ITLN2: variants seen among roughly 807,000 people sequenced by gnomAD.
ITLN2 encodes intelectin-2.
Under a neutral mutation model 39.4 loss-of-function variants are expected in ITLN2, and 29 were observed. The ratio of observed to expected loss-of-function variants is 0.74; its 90% CI spans 0.55 to 1.00. The LOEUF (loss-of-function observed/expected upper bound fraction) is 1.00. Ranked by LOEUF, ITLN2 falls within the 50% of genes least tolerant of loss-of-function variation. The probability of loss-of-function intolerance (pLI) is 0.00; values close to 1 mark genes in which losing one functional copy is unlikely to be tolerated. For missense variants in ITLN2, 412 were observed against 416.7 expected, an observed-to-expected ratio of 0.99 and a Z score of 0.10; for synonymous variants, 156 against 153.4, an observed-to-expected ratio of 1.02 and a Z score of -0.12.
Position 160,954,408 on chromosome 1 carries a change from C to A in ITLN2, c.58G>T (p.Ala20Ser). The part of the protein sequence containing the change: ...RLCFLLFFSV[A>S]TSGCSAAAAS... ...TTACCTGCACTGCACCCACTGGTGGCCACAGAGAAGAATAACAGGAAGCAG... is the reference window on the plus strand; with the variant it reads ...TTACCTGCACTGCACCCACTGGTGGACACAGAGAAGAATAACAGGAAGCAG... Residue 20 changes from alanine to serine, a missense_variant, in exon 2 of 8, where the codon GCC becomes TCC. Ala to Ser is a moderately conservative substitution (Grantham distance 99). Coordinates refer to ENST00000368029, the MANE Select transcript of ITLN2 (RefSeq NM_080878.3). 1 of 1,578,054 alleles carries A rather than the reference C, an allele frequency of 6.3e-7. No homozygotes were observed.
At chr1:160,945,844 T>A (rs983564374) in intron 7 of ITLN2, among the ~76,000 whole-genome samples, 10 of 152,164 alleles carry the variant, frequency 6.6e-5, no homozygotes, top group African/African-American at 2.4e-4. Context: ...ACAACTGTGG[T>A]GCTGTCTCCT....
Position 160,952,673 on chromosome 1 carries a change from G to A in ITLN2, c.140C>T (p.Ser47Phe). Residue 47 changes from serine (S) to phenylalanine (F), a missense_variant, in exon 3 of 8, where the codon TCT (serine) becomes TTT (phenylalanine). Ser to Phe is a radical substitution (Grantham distance 155). Transcript: ENST00000368029. ...TTCTTTGCAGCTTCTAGGCAGGGAA[G>A]AAAAGGAGAAGGCACAGGTTTCGAA... The part of the protein sequence containing the change: ...REFETCAFSF[S>F]SLPRSCKEIK... The A allele has an allele frequency of 6.2e-7, 1 of 1,614,166 alleles. No homozygotes were observed. Among genetic ancestry groups the A allele is most frequent in the Middle Eastern group, 1.7e-4 (1 of 6,048 alleles).
In ITLN2 at chr1:160,949,892, A is replaced by G. The variant is rs374125856; in HGVS notation, c.721+154T>C. 61 of 660,468 alleles carry G rather than the reference A, an allele frequency of 9.2e-5. No homozygotes were observed. In the African/African-American group the frequency reaches 1.0e-3, roughly 11 times the overall value. 40.9% of individuals were successfully genotyped at this position (660,468 alleles called of 1,614,324 possible). On this transcript the variant is annotated intron_variant, in intron 6 of 7. Coordinates refer to ENST00000368029, the MANE Select transcript of ITLN2 (RefSeq NM_080878.3). ...ACTTCATAGTTTTCTCATGGTAATT[A>G]AATGACACAAAATCATGTTAAGTTC... is the stretch of plus-strand genomic sequence containing the variant.
At chr1:160,946,042 C>G (rs1335189165) in intron 7 of ITLN2, among the ~76,000 whole-genome samples, 1 of 152,156 alleles carries the variant, frequency 6.6e-6, no homozygotes, top group African/African-American at 2.4e-5. Context: ...CACGGTGACT[C>G]ATGCCTGTAA....
intron 6 of ITLN2, 101 bp downstream of exon 6, chr1:160,949,945 T>A: frequency 9.6e-7 from 1 of 1,045,268 alleles, no homozygotes; most frequent in Non-Finnish European, 1.4e-6. Flanking sequence ...GCATTTTAAG[T>A]GCTCAGTAAA....
In ITLN2 at chr1:160,945,281, A is replaced by T. The variant is rs376740914; in HGVS notation, c.837T>A (p.Gly279=). 4 of 1,568,614 alleles carry T rather than the reference A, an allele frequency of 2.6e-6. No homozygotes were observed. The African/African-American group carries it at 5.6e-5, about 22-fold the overall frequency. The change falls in exon 8 of 8, where the codon GGT becomes GGA. Residue 279 remains glycine (G), a synonymous_variant. Coordinates refer to ENST00000368029, the MANE Select transcript of ITLN2 (RefSeq NM_080878.3). ...TGCCCTGTGGGAAGAACCCTCCTCC[A>T]CCGATGCAGTGCTGGGAAACAGAAA... ...TGCNTEHHCI[G]GGGFFPQGKP... is the part of the protein sequence containing the mutation.
chr1:160,947,045 T>C (rs1021885906), intron 7 of ITLN2, among the ~76,000 whole-genome samples: 3 of 152,210 alleles, frequency 2.0e-5, no homozygotes, highest in Non-Finnish European at 4.4e-5. Context: ...ACGGAGGACC[T>C]GCTCCGGTGC....
rs752620443 is a variant in ITLN2, at chr1:160,950,035, C to G, written c.721+11G>C. 2.5e-6 allele frequency: 4 copies of G among 1,611,258 alleles called. No homozygotes were observed. Among genetic ancestry groups the G allele is most frequent in the Admixed American group, 1.7e-5 (1 of 59,756 alleles). ...AATATTTATGACTGGACTTAGGGAG[C>G]AAACACTCACGTTGACCATACGGTG... On this transcript the variant is annotated intron_variant, in intron 6 of 7. Transcript: ENST00000368029.
At chr1:160,946,034 C>T (rs904592680) in intron 7 of ITLN2, among the ~76,000 whole-genome samples, 4 of 152,030 alleles carry the variant, frequency 2.6e-5, no homozygotes, top group South Asian at 2.1e-4. Flanking sequence ...CAGCCGGGCA[C>T]GGTGACTCAT....
Position 160,954,461 on chromosome 1 carries a change from A to G in ITLN2, c.16-11T>C. On this transcript the variant is annotated splice_polypyrimidine_tract_variant and intron_variant, in intron 1 of 7. Coordinates refer to ENST00000368029, the MANE Select transcript of ITLN2 (RefSeq NM_080878.3). ...TCTGGTCATTGTCCTCTAAGGAAAA[A>G]CAAGATGCACAAGGTCACTGGCTGG... The G allele has an allele frequency of 6.4e-7, 1 of 1,569,318 alleles. No homozygotes were observed. Among genetic ancestry groups the G allele is most frequent in the African/African-American group, 1.3e-5 (1 of 74,396 alleles).
rs777307331 is a variant in ITLN2 at position 160,951,163 on chromosome 1, C to T, written c.321G>A (p.Thr107=). The T allele has an allele frequency of 4.4e-5, 71 of 1,614,058 alleles. No individual in the cohort carries two copies. Among genetic ancestry groups the T allele is most frequent in the Admixed American group, 5.0e-5 (3 of 59,994 alleles). Residue 107 remains threonine (T), a synonymous_variant, in exon 4 of 8, where the codon ACG becomes ACA. Transcript: ENST00000368029. ...VHENDMRGKC[T]VGDRWSSQQG... is the part of the protein sequence containing the mutation. ...GCTGACTGGACCAGCGATCACCCAC[C>T]GTGCACTTCCCACGCATGTCATTCT...
chr1:160,951,417 A>G, intron 3 of ITLN2, 127 bp from the exon 4 acceptor site: 1 of 1,261,950 alleles, frequency 7.9e-7, no homozygotes, highest in South Asian at 1.5e-5. Flanking sequence ...TTGCTGGAAG[A>G]CGATGCTCCA....
rs1017676089 is a variant in ITLN2, at chr1:160,950,682, C to T, written c.471G>A (p.Lys157=). ...KNPGYYDIQA[K]DLGIWHVPNK... The stretch of plus-strand genomic sequence containing the variant: ...TGGGCACATGCCAGATGCCCAGGTC[C>T]TTGGCCTGGATGTCGTAGTAGCCAG... The change falls in exon 5 of 8, where the codon AAG becomes AAA. Residue 157 remains lysine (K), a synonymous_variant. Transcript: ENST00000368029. The T allele has an allele frequency of 4.6e-5, 75 of 1,613,868 alleles. 2 individuals are homozygous for T. The Admixed American group carries it at 1.2e-3, about 25-fold the overall frequency.
At chr1:160,948,783 T>C (rs982399014) in intron 6 of ITLN2, 2 of 152,254 alleles carry the variant, frequency 1.3e-5, no homozygotes, top group Non-Finnish European at 2.9e-5. Flanking sequence ...TGCGCCATCA[T>C]GCCCAGCTAA....
rs760100655 is a variant in ITLN2, at chr1:160,951,166, G to T, written c.318C>A (p.Cys106Ter). 3 of 1,614,142 alleles carry T rather than the reference G, an allele frequency of 1.9e-6. No homozygotes were observed. Among genetic ancestry groups the T allele is most frequent in the East Asian group, 2.2e-5 (1 of 44,876 alleles). Residue 106 changes from cysteine to a stop codon, truncating the protein, a stop_gained, in exon 4 of 8, where the codon TGC becomes TGA. Coordinates refer to ENST00000368029, the MANE Select transcript of ITLN2 (RefSeq NM_080878.3). LOFTEE classifies it high-confidence loss of function. ...SVHENDMRGK[C>*]TVGDRWSSQQ... ...GACTGGACCAGCGATCACCCACCGTGCACTTCCCACGCATGTCATTCTCGT... is the reference window on the plus strand; with the variant it reads ...GACTGGACCAGCGATCACCCACCGTTCACTTCCCACGCATGTCATTCTCGT...
chr1:160,947,848 C>G (rs1671640543), intron 7 of ITLN2, 81 bp downstream of exon 7: 2 of 997,740 alleles, frequency 2.0e-6, no homozygotes, highest in African/African-American at 3.2e-5. Flanking sequence ...TTATGTCTTC[C>G]TTTTCTACAT....
rs1192293306 is a variant in ITLN2 at position 160,945,293 on chromosome 1, C to G, written c.826-1G>C. On this transcript the variant is annotated splice_acceptor_variant, in intron 7 of 7. Coordinates refer to ENST00000368029, the MANE Select transcript of ITLN2 (RefSeq NM_080878.3). LOFTEE classifies it high-confidence loss of function. ...AGAACCCTCCTCCACCGATGCAGTG[C>G]TGGGAAACAGAAAGAAGAAACACTG... The G allele has an allele frequency of 6.5e-7, 1 of 1,549,284 alleles. No individual in the cohort carries two copies. Among genetic ancestry groups the G allele is most frequent in the African/African-American group, 1.4e-5 (1 of 70,544 alleles).
At chr1:160,950,858 A>T in intron 4 of ITLN2, 147 bp from the exon 5 acceptor site, 2 of 1,453,646 alleles carry the variant, frequency 1.4e-6, no homozygotes, top group Non-Finnish European at 1.9e-6. Flanking sequence ...CCAGCTGATG[A>T]TCCCACCACC....
chr1:160,954,368 A>G lies in ITLN2; in HGVS notation c.79+19T>C, dbSNP rs1353858034. 1 of 1,545,882 alleles carries G rather than the reference A, an allele frequency of 6.5e-7. No homozygotes were observed. Among genetic ancestry groups the G allele is most frequent in the Admixed American group, 1.9e-5 (1 of 51,692 alleles). Reference sequence around the variant, plus strand: ...GGGAGCCCAGGAAACTGCAGCTCCTACTCTCAGAAGCCATTTACCTGCACT... The same window carrying G: ...GGGAGCCCAGGAAACTGCAGCTCCTGCTCTCAGAAGCCATTTACCTGCACT... On this transcript the variant is annotated intron_variant, in intron 2 of 7. Transcript: ENST00000368029.
Sources: gnomAD v4.1 joint callset for allele counts (sites outside exome capture counted in the v4.1 genomes callset) on GRCh38, gnomAD v4.1.1 for gene constraint, MANE v1.5 for transcripts, NCBI Gene and HGNC (gene_info 2026-07-23, HGNC 2026-07-21) for gene names.